TXLNB: variants seen among roughly 807,000 people sequenced by gnomAD.
TXLNB encodes beta-taxilin.
TXLNB carries 37 observed loss-of-function variants against 57.4 expected under a neutral mutation model. That is an observed-to-expected ratio of 0.64 (90% confidence interval 0.50 to 0.85). The LOEUF (loss-of-function observed/expected upper bound fraction) is 0.85, where lower values mean the gene tolerates loss of function less well. TXLNB is among the 40% of genes least tolerant of loss of function. The probability of loss-of-function intolerance (pLI) is 0.00; values close to 1 mark genes in which losing one functional copy is unlikely to be tolerated. For synonymous variants in TXLNB, 302 were observed against 309.6 expected, an observed-to-expected ratio of 0.98 and a Z score of 0.26; for missense variants, 848 against 825.6, an observed-to-expected ratio of 1.03 and a Z score of -0.33.
intron 9 of TXLNB, 31 bp downstream of exon 9, chr6:139,244,564 G>T: frequency 7.3e-7 from 1 of 1,377,660 alleles, no homozygotes; most frequent in Non-Finnish European, 1.0e-6. Flanking sequence ...CTAGACAGAG[G>T]GGATTAAAGC....
At chr6:139,225,311 A>C in the TXLNB span, among the ~76,000 whole-genome samples, 4 of 152,152 alleles carry the variant, frequency 2.6e-5, no homozygotes, top group African/African-American at 4.8e-5. Flanking sequence ...CAAATTCTAC[A>C]AGAAGTTCTT....
At chr6:139,294,065 C>A (rs1168545596), upstream of TXLNB, among the ~76,000 whole-genome samples, 3 of 152,082 alleles carry the variant, frequency 2.0e-5, no homozygotes, top group East Asian at 5.8e-4. Context: ...TTATTTGAAC[C>A]TACATGTACT....
At chr6:139,267,486 G>A (rs1316532141) in intron 4 of TXLNB, among the ~76,000 whole-genome samples, 1 of 152,078 alleles carries the variant, frequency 6.6e-6, no homozygotes, top group Admixed American at 6.5e-5. Flanking sequence ...AAGATAATGT[G>A]TAGTGTTATA....
the TXLNB span, among the ~76,000 whole-genome samples, chr6:139,164,070 ACACACACACACT>A: frequency 9.4e-6 from 1 of 106,874 alleles, no homozygotes; most frequent in African/African-American, 4.5e-5. Flanking sequence ...ACACACAAAC[ACACACACACACT>A]CTCTCTCTCT....
At chr6:139,296,188 A>G (rs892297671), upstream of TXLNB, among the ~76,000 whole-genome samples, 4 of 152,168 alleles carry the variant, frequency 2.6e-5, no homozygotes, top group African/African-American at 4.8e-5. Flanking sequence ...TTCCTCATTT[A>G]GAAAAACATA....
In TXLNB at chr6:139,262,813, CG is replaced by C. The variant is rs538271594; in HGVS notation, c.688-41del. 1,218 of 1,595,258 alleles carry C rather than the reference CG, an allele frequency of 7.6e-4. 1 individual carries two copies. The highest frequency in any genetic ancestry group is 9.4e-4 in the Non-Finnish European group (1,104 of 1,170,368). On this transcript the variant is annotated intron_variant, in intron 4 of 9. Transcript: ENST00000358430. Reference sequence around the variant, plus strand: ...CAAAACATTTTGTTTAAATGCACCCCGGGTTTATAGAACTCAGCATTAGGTC... The same window carrying C: ...CAAAACATTTTGTTTAAATGCACCCCGGTTTATAGAACTCAGCATTAGGTC...
chr6:139,239,567 A>T (rs1162290003), downstream of TXLNB: 1 of 152,524 alleles, frequency 6.6e-6, no homozygotes, highest in Non-Finnish European at 1.5e-5. This position sits in a 1 kb window ranked among gnomAD's most constrained non-coding sequence, Gnocchi z 4.7. Flanking sequence ...ATCATGGCTC[A>T]CTGCAGCCCC....
At chr6:139,275,066 A>G (rs1776858879) in intron 3 of TXLNB, among the ~76,000 whole-genome samples, 2 of 152,184 alleles carry the variant, frequency 1.3e-5, no homozygotes. Flanking sequence ...GCTCTTTTGG[A>G]AAGCAATATG....
the TXLNB span, among the ~76,000 whole-genome samples, chr6:139,194,301 CA>C: frequency 6.6e-6 from 1 of 152,170 alleles, no homozygotes. Context: ...GTCAATGAGA[CA>C]GGAGTATACT....
At chr6:139,188,937 G>A in the TXLNB span, among the ~76,000 whole-genome samples, 1 of 152,142 alleles carries the variant, frequency 6.6e-6, no homozygotes, top group Non-Finnish European at 1.5e-5. Flanking sequence ...TGTATTTTTA[G>A]TAGAGACGGG....
the TXLNB span, among the ~76,000 whole-genome samples, chr6:139,226,271 C>G: frequency 1.7e-5 from 2 of 118,816 alleles, no homozygotes; most frequent in African/African-American, 3.3e-5. Flanking sequence ...CCACTGCACT[C>G]CAGACTGGGC....
the TXLNB span, among the ~76,000 whole-genome samples, chr6:139,189,190 A>G: frequency 1.3e-5 from 2 of 152,236 alleles, no homozygotes; most frequent in African/African-American, 4.8e-5. Context: ...CTTTCGGGGT[A>G]AAAGCATTGC....
chr6:139,187,201 T>C, the TXLNB span, among the ~76,000 whole-genome samples: 2 of 152,202 alleles, frequency 1.3e-5, no homozygotes, highest in Non-Finnish European at 2.9e-5. Flanking sequence ...ATCATAAACA[T>C]TTTATTTATA....
chr6:139,226,779 G>A, the TXLNB span, among the ~76,000 whole-genome samples: 1 of 152,206 alleles, frequency 6.6e-6, no homozygotes, highest in African/African-American at 2.4e-5. Context: ...TGTAATCCCA[G>A]CACTTTGGGA....
At chr6:139,320,226 G>A in the TXLNB span, among the ~76,000 whole-genome samples, 2 of 152,102 alleles carry the variant, frequency 1.3e-5, no homozygotes, top group African/African-American at 4.8e-5. Context: ...CTAAAATTTT[G>A]TATGACACAT....
In TXLNB at chr6:139,243,182, C is replaced by T; in HGVS notation, c.1399G>A (p.Asp467Asn). The change falls in exon 10 of 10, where the codon GAT becomes AAT. Residue 467 changes from aspartate (D) to asparagine (N), a missense_variant. Asp to Asn is a conservative substitution (Grantham distance 23). Transcript: ENST00000358430. ...TCGGAGTTGTGCTGACTTTGGTCAT[C>T]CTTTTCAGATATTTCTGCGTCTCTG... ...KIRDAEISEKDDQSQHNSDEE... is the reference protein window; with the variant it reads ...KIRDAEISEKNDQSQHNSDEE... 6.2e-7 allele frequency: 1 copy of T among 1,614,090 alleles called. No homozygotes were observed. The highest frequency in any genetic ancestry group is 8.5e-7 in the Non-Finnish European group (1 of 1,180,010).
chr6:139,271,763 C>G (rs1044539055), intron 3 of TXLNB: 1 of 152,184 alleles, frequency 6.6e-6, no homozygotes, highest in Non-Finnish European at 1.5e-5. Context: ...TCAGACTGAC[C>G]ATCGCTGGGG....
At chr6:139,264,735 T>G (rs1160217411) in intron 4 of TXLNB, among the ~76,000 whole-genome samples, 2 of 152,046 alleles carry the variant, frequency 1.3e-5, no homozygotes, top group Non-Finnish European at 2.9e-5. Flanking sequence ...AATTTTTTTA[T>G]TTTTAGTAGA....
At chr6:139,161,720 A>C in the TXLNB span, among the ~76,000 whole-genome samples, 3 of 152,252 alleles carry the variant, frequency 2.0e-5, no homozygotes, top group Non-Finnish European at 4.4e-5. Context: ...TGCAAATGTT[A>C]GTTAGATCTT....
Sources: allele counts gnomAD v4.1 joint callset (sites outside exome capture counted in the v4.1 genomes callset), GRCh38; gene constraint gnomAD v4.1.1; non-coding constraint Gnocchi (gnomAD v3.1); transcripts MANE v1.5; gene names NCBI Gene and HGNC (gene_info 2026-07-23, HGNC 2026-07-21).